The following SMPD4 variants were observed in gnomAD, a reference collection of about 807,000 sequenced individuals.
SMPD4 encodes the protein sphingomyelin phosphodiesterase 4.
SMPD4 carries 58 observed loss-of-function variants against 97.8 expected under a neutral mutation model. The ratio of observed to expected loss-of-function variants is 0.59; its 90% CI spans 0.48 to 0.74. The LOEUF (loss-of-function observed/expected upper bound fraction) is 0.74, where lower values mean the gene tolerates loss of function less well. Among genes scored for constraint, SMPD4 ranks in the 30% least tolerant of loss-of-function variants. SMPD4 has a pLI of 0.00. For missense variants in SMPD4, 853 were observed against 1,080.5 expected (o/e 0.79, Z 2.95); for synonymous variants, 388 against 450.0 (o/e 0.86, Z 1.74).
intron 10 of SMPD4, among the ~76,000 whole-genome samples, chr2:130,163,749 G>A (rs867560125): frequency 8.5e-5 from 13 of 152,320 alleles, no homozygotes; most frequent in Admixed American, 2.0e-4. Flanking sequence ...CTCCAGGAAC[G>A]GCAACAGCAG....
intron 8 of SMPD4, among the ~76,000 whole-genome samples, chr2:130,168,826 A>G (rs934713463): frequency 6.6e-6 from 1 of 151,708 alleles, no homozygotes; most frequent in Non-Finnish European, 1.5e-5. Context: ...GGTGCAAGCA[A>G]TCCTCCCACC....
At chr2:130,173,477 A>T (rs1324800225) in intron 4 of SMPD4, 37 bp downstream of exon 4, 1 of 1,586,922 alleles carries the variant, frequency 6.3e-7, no homozygotes, top group East Asian at 2.2e-5. Context: ...CACCATGAGG[A>T]ATCACCCAGC....
intron 10 of SMPD4, among the ~76,000 whole-genome samples, chr2:130,162,794 C>A (rs1357907908): frequency 6.6e-6 from 1 of 152,236 alleles, no homozygotes; most frequent in South Asian, 2.1e-4. Flanking sequence ...TCCCACCCAC[C>A]AAGTTTTCTT....
chr2:130,152,975 C>T, intron 19 of SMPD4, 68 bp downstream of exon 19: 1 of 1,567,056 alleles, frequency 6.4e-7, no homozygotes. Context: ...CACCCCAGGA[C>T]TGCACCCCAG....
chr2:130,169,512 T>A (rs1688237502), intron 8 of SMPD4, among the ~76,000 whole-genome samples: 1 of 151,582 alleles, frequency 6.6e-6, no homozygotes, highest in Admixed American at 6.6e-5. Context: ...AACCAACACA[T>A]GCAGCAAAGT....
intron 10 of SMPD4, among the ~76,000 whole-genome samples, chr2:130,163,712 C>T (rs1350427485): frequency 6.6e-6 from 1 of 152,234 alleles, no homozygotes; most frequent in Non-Finnish European, 1.5e-5. Flanking sequence ...TGCTTTCTCA[C>T]TCTGACCGGT....
chr2:130,156,231 C>T, intron 13 of SMPD4, 96 bp from the exon 14 acceptor site: 1 of 1,035,580 alleles, frequency 9.7e-7, no homozygotes, highest in Non-Finnish European at 1.4e-6. Flanking sequence ...GTGGGACTGA[C>T]TCTTCTCACT....
intron 10 of SMPD4, among the ~76,000 whole-genome samples, chr2:130,162,591 T>C: frequency 6.6e-6 from 1 of 152,160 alleles, no homozygotes; most frequent in Non-Finnish European, 1.5e-5. Context: ...ACAGGGCCAC[T>C]GGGGAGCAAG....
At chr2:130,169,825 T>C (rs1688271287) in intron 8 of SMPD4, among the ~76,000 whole-genome samples, 1 of 152,222 alleles carries the variant, frequency 6.6e-6, no homozygotes, top group Admixed American at 6.5e-5. Flanking sequence ...GTGTTGGGAT[T>C]ACAGGCGTGA....
In SMPD4 at chr2:130,168,314, C is replaced by T. The variant is rs140970031; in HGVS notation, c.660-724G>A. On this transcript the variant is annotated intron_variant, in intron 8 of 19. Transcript: ENST00000680298. ...TGATGCCTCCCTGTAGTCCCAGATA[C>T]TTGGGGGGTTGAGACAGGAGGATCA... 3.2e-3 allele frequency among the ~76,000 whole-genome samples: 483 copies of T among 152,182 alleles called. 2 individuals are homozygous for T. The highest frequency in any genetic ancestry group is 5.9e-3 in the Non-Finnish European group (398 of 67,996).
intron 9 of SMPD4, among the ~76,000 whole-genome samples, chr2:130,165,312 G>C (rs1403436275): frequency 1.3e-5 from 2 of 151,756 alleles, no homozygotes; most frequent in African/African-American, 4.8e-5. Flanking sequence ...TTCCAGCTCA[G>C]CTACTCAGGA....
chr2:130,173,102 G>C (rs780594257), intron 5 of SMPD4, among the ~76,000 whole-genome samples, 177 bp downstream of exon 5: 2 of 152,166 alleles, frequency 1.3e-5, no homozygotes, highest in Non-Finnish European at 2.9e-5. Context: ...ATCTCATAAA[G>C]AGCTGCAGAC....
chr2:130,171,471 C>T (rs1245942830), intron 8 of SMPD4, among the ~76,000 whole-genome samples: 1 of 152,172 alleles, frequency 6.6e-6, no homozygotes, highest in Non-Finnish European at 1.5e-5. Context: ...AAAAACCAGG[C>T]ATCAAAAACT....
intron 11 of SMPD4, among the ~76,000 whole-genome samples, chr2:130,159,098 G>A (rs971198239): frequency 1.5e-4 from 23 of 152,054 alleles, no homozygotes; most frequent in Non-Finnish European, 2.2e-4. Context: ...GGGCTTAAGG[G>A]ATCCTCCCAT....
chr2:130,156,758 A>G, intron 12 of SMPD4, 83 bp from the exon 13 acceptor site: 1 of 1,562,134 alleles, frequency 6.4e-7, no homozygotes, highest in Non-Finnish European at 8.7e-7. Context: ...CCCATCAGTG[A>G]GGGTTGGCTC....
chr2:130,171,574 A>G (rs1458216146), intron 8 of SMPD4, among the ~76,000 whole-genome samples: 1 of 152,146 alleles, frequency 6.6e-6, no homozygotes, highest in African/African-American at 2.4e-5. Context: ...GTCACTGATC[A>G]CTGCCGCTAC....
chr2:130,178,663 C>T (rs1306555749), intron 1 of SMPD4, among the ~76,000 whole-genome samples: 19 of 151,838 alleles, frequency 1.3e-4, no homozygotes, highest in Non-Finnish European at 1.8e-4. Context: ...GGTGTGGTGG[C>T]GGGCACCTGT....
chr2:130,158,556 G>A (rs1229982352), intron 11 of SMPD4, among the ~76,000 whole-genome samples: 1 of 152,190 alleles, frequency 6.6e-6, no homozygotes, highest in East Asian at 1.9e-4. Context: ...AGGGAATACA[G>A]GCGTGAGCCA....
chr2:130,152,696 G>T lies in SMPD4; in HGVS notation c.2343C>A (p.Val781=), dbSNP rs1324520456. 4.4e-6 allele frequency: 7 copies of T among 1,575,346 alleles called. No individual in the cohort carries two copies. Among genetic ancestry groups the T allele is most frequent in the Non-Finnish European group, 4.3e-6 (5 of 1,161,834 alleles). The change falls in exon 20 of 20, where the codon GTC becomes GTA. Residue 781 remains valine (V), a synonymous_variant. Transcript: ENST00000680298. ...CCACGAAGAAGGCCAGCAGCAGCGA[G>T]ACCAGCGTCCGGTAACTGCCCAGGA... ...LRFLGSYRTL[V]SLLLAFFVAS...
Sources: gnomAD v4.1 joint callset for allele counts (sites outside exome capture counted in the v4.1 genomes callset) on GRCh38, gnomAD v4.1.1 for gene constraint, MANE v1.5 for transcripts, NCBI Gene and HGNC (gene_info 2026-07-23, HGNC 2026-07-21) for gene names.